Variants in VDR observed in about 807,000 individuals in gnomAD.
VDR encodes the protein vitamin D receptor, also known as vitamin D3 receptor.
VDR carries 19 observed loss-of-function variants against 39.7 expected under a neutral mutation model. The observed-to-expected ratio is 0.48, with a 90% confidence interval of 0.33 to 0.70. The LOEUF (loss-of-function observed/expected upper bound fraction) is 0.70. VDR is among the 30% of genes least tolerant of loss of function. VDR has a pLI of 0.02. For synonymous variants in VDR, 242 were observed against 215.8 expected (o/e 1.12, Z -1.07); for missense variants, 442 against 570.5 (o/e 0.77, Z 2.29).
intron 4 of VDR, among the ~76,000 whole-genome samples, chr12:47,859,806 G>A (rs1264536749): frequency 6.6e-6 from 1 of 152,052 alleles, no homozygotes; most frequent in Non-Finnish European, 1.5e-5. Context: ...CAGGGTCCAT[G>A]TCTTACAATT....
chr12:47,895,187 G>A lies in VDR; in HGVS notation c.-84+9768C>T, dbSNP rs143454758. 1.2e-3 allele frequency among the ~76,000 whole-genome samples: 182 copies of A among 152,294 alleles called. 3 individuals carry two copies. In the East Asian group the frequency reaches 0.033, roughly 28 times the overall value. On this transcript the variant is annotated intron_variant, in intron 1 of 9. Transcript: ENST00000549336. ...TAGGAGAGGAGGAGGAATAAATTCA[G>A]GTAAAAAGGGGAAGGCTGTGAAAAA...
At position 47,844,501 on chromosome 12, in the gene VDR, G is replaced by T; in HGVS notation, c.*245C>A. ...CAGCCTCTGCCCTCTGCCCCCACTT[G>T]GGTTTCTTTGTCAAACAAACAGCAA... On this transcript the variant is annotated 3_prime_UTR_variant, in exon 10 of 10. Transcript: ENST00000549336. 3.3e-6 allele frequency: 2 copies of T among 606,584 alleles called. No homozygotes were observed. The highest frequency in any genetic ancestry group is 2.0e-5 in the South Asian group (1 of 50,448). 37.6% of individuals were successfully genotyped at this position (606,584 alleles called of 1,614,324 possible). A position where few individuals can be genotyped will look rare whatever the true frequency, so the allele number is the denominator to read the frequency against.
chr12:47,867,809 CT>C (rs1945768243), intron 3 of VDR, among the ~76,000 whole-genome samples: 1 of 152,200 alleles, frequency 6.6e-6, no homozygotes, highest in Non-Finnish European at 1.5e-5. Flanking sequence ...AGTTAGGATT[CT>C]TGGTAAAACA....
chr12:47,864,794 A>AG (rs1945694666), intron 4 of VDR, among the ~76,000 whole-genome samples: 2 of 152,152 alleles, frequency 1.3e-5, no homozygotes, highest in Admixed American at 6.5e-5. Flanking sequence ...CCCACTCTGG[A>AG]GGGACCCTTC....
intron 4 of VDR, 60 bp from the exon 5 acceptor site, chr12:47,857,748 T>G: frequency 6.3e-7 from 1 of 1,590,348 alleles, no homozygotes; most frequent in South Asian, 1.1e-5. Context: ...GAAACCTTCC[T>G]CCTGCGGTTG....
At chr12:47,891,451 G>A (rs1418326163) in intron 1 of VDR, among the ~76,000 whole-genome samples, 1 of 152,162 alleles carries the variant, frequency 6.6e-6, no homozygotes, top group Non-Finnish European at 1.5e-5. Flanking sequence ...GCTGTGAAGG[G>A]CAGGATGCCT....
chr12:47,902,501 G>A (rs1946584964), intron 1 of VDR, among the ~76,000 whole-genome samples: 1 of 152,244 alleles, frequency 6.6e-6, no homozygotes, highest in African/African-American at 2.4e-5. Context: ...AGGGCCTGGA[G>A]TCATGCTGGG....
chr12:47,871,358 C>CTTTCTTTT (rs1555153491), intron 3 of VDR, among the ~76,000 whole-genome samples: 5 of 112,912 alleles, frequency 4.4e-5, no homozygotes, highest in African/African-American at 1.6e-4. Context: ...TTCTTTCTTT[C>CTTTCTTTT]CTTTCTCTCT....
chr12:47,848,555 CTTTTTTTTT>C lies in VDR; in HGVS notation c.756-1756_756-1748del, dbSNP rs1162881183. Among the ~76,000 whole-genome samples the C allele has an allele frequency of 1.4e-4, 8 of 58,116 alleles. No individual in the cohort carries two copies. The East Asian group carries it at 2.6e-3, about 19-fold the overall frequency. 38.1% of individuals were successfully genotyped at this position (58,116 alleles called of 152,430 possible). A position where few individuals can be genotyped will look rare whatever the true frequency, so the allele number is the denominator to read the frequency against. On this transcript the variant is annotated intron_variant, in intron 7 of 9. Transcript: ENST00000549336. ...CTCTTTACATGCTTGTTTTCTACTCCTTTTTTTTTTTTTTTTTTTTTTTTTTTTTGAGAC... is the reference window on the plus strand; with the variant it reads ...CTCTTTACATGCTTGTTTTCTACTCCTTTTTTTTTTTTTTTTTTTTGAGAC...
At chr12:47,872,921 C>T (rs2137186587) in intron 3 of VDR, among the ~76,000 whole-genome samples, 1 of 152,120 alleles carries the variant, frequency 6.6e-6, no homozygotes, top group African/African-American at 2.4e-5. Flanking sequence ...AGATATTATC[C>T]CTGTTTTACA....
At chr12:47,854,573 G>T (rs1198315662) in intron 7 of VDR, among the ~76,000 whole-genome samples, 1 of 152,210 alleles carries the variant, frequency 6.6e-6, no homozygotes, top group African/African-American at 2.4e-5. Context: ...CTCAGAGTTG[G>T]GGTGTGGAGG....
chr12:47,895,424 G>A (rs1184901954), intron 1 of VDR, among the ~76,000 whole-genome samples: 2 of 152,324 alleles, frequency 1.3e-5, no homozygotes, highest in Non-Finnish European at 2.9e-5. Context: ...GGGGAGAAAG[G>A]AAAGGAGGGG....
At chr12:47,853,478 C>A (rs907347235) in intron 7 of VDR, among the ~76,000 whole-genome samples, 2 of 142,608 alleles carry the variant, frequency 1.4e-5, no homozygotes, top group Non-Finnish European at 3.0e-5. Flanking sequence ...ATTGGCCGGG[C>A]GTGGTGGTTC....
At chr12:47,877,747 C>T (rs1946037693) in intron 3 of VDR, among the ~76,000 whole-genome samples, 2 of 152,140 alleles carry the variant, frequency 1.3e-5, no homozygotes, top group Admixed American at 6.5e-5. Context: ...GACCTCAGGC[C>T]CAAGGATTGG....
chr12:47,891,586 T>C (rs1199359775), intron 1 of VDR, among the ~76,000 whole-genome samples: 1 of 152,110 alleles, frequency 6.6e-6, no homozygotes, highest in African/African-American at 2.4e-5. Flanking sequence ...TTTCAAAACT[T>C]CTTGGGGTGA....
intron 3 of VDR, among the ~76,000 whole-genome samples, chr12:47,868,398 G>C (rs566617515): frequency 6.6e-6 from 1 of 152,192 alleles, no homozygotes; most frequent in Non-Finnish European, 1.5e-5. Flanking sequence ...AGTCTAGCCC[G>C]CCTCAGGCCC....
chr12:47,877,406 C>A (rs1474808795), intron 3 of VDR, among the ~76,000 whole-genome samples: 1 of 152,148 alleles, frequency 6.6e-6, no homozygotes, highest in Non-Finnish European at 1.5e-5. Flanking sequence ...TTTTACATGT[C>A]ATCTCATTAA....
At chr12:47,883,952 C>G (rs1019505505) in intron 1 of VDR, among the ~76,000 whole-genome samples, 3 of 152,266 alleles carry the variant, frequency 2.0e-5, no homozygotes, top group Non-Finnish European at 2.9e-5. Context: ...TGGCCCACCC[C>G]CACAAGAAGC....
intron 9 of VDR, among the ~76,000 whole-genome samples, chr12:47,845,614 G>A (rs1003720193): frequency 6.6e-6 from 1 of 152,224 alleles, no homozygotes; most frequent in East Asian, 1.9e-4. Context: ...CTGAACCCCA[G>A]TACCTAGCAT....
Sources: allele counts gnomAD v4.1 joint callset (sites outside exome capture counted in the v4.1 genomes callset), GRCh38; gene constraint gnomAD v4.1.1; transcripts MANE v1.5; gene names NCBI Gene and HGNC (gene_info 2026-07-23, HGNC 2026-07-21).